PHF7: variants seen among roughly 807,000 people sequenced by gnomAD.
PHF7 encodes the protein E3 ubiquitin-protein ligase PHF7.
Under a neutral mutation model 47.5 loss-of-function variants are expected in PHF7, and 24 were observed. The ratio of observed to expected loss-of-function variants is 0.51; its 90% CI spans 0.37 to 0.71. The LOEUF is 0.71. Ranked by LOEUF, PHF7 falls within the 30% of genes least tolerant of loss-of-function variation. The probability of loss-of-function intolerance (pLI) is 0.00; values close to 1 mark genes in which losing one functional copy is unlikely to be tolerated. For synonymous variants in PHF7, 156 were observed against 153.8 expected, an observed-to-expected ratio of 1.01 and a Z score of -0.11; for missense variants, 361 against 456.8, an observed-to-expected ratio of 0.79 and a Z score of 1.91.
chr3:52,414,102 A>C, intron 3 of PHF7, 54 bp downstream of exon 3: 1 of 1,223,348 alleles, frequency 8.2e-7, no homozygotes, highest in Non-Finnish European at 1.2e-6. Flanking sequence ...TCAGCAAAGA[A>C]GGCCACCTGT....
rs779965953 is a variant in PHF7, at chr3:52,423,337, G to C, written c.*20G>C. 26 of 1,500,256 alleles carry C rather than the reference G, an allele frequency of 1.7e-5. No individual in the cohort carries two copies. In the Admixed American group the frequency reaches 4.2e-4, roughly 24 times the overall value. The allele number at this position is 1,500,256 out of a possible 1,614,324, so 92.9% of individuals were successfully genotyped here. A position where few individuals can be genotyped will look rare whatever the true frequency, so the allele number is the denominator to read the frequency against. ...AAGTAACACCTTCTGAGTAGCTGCT[G>C]TCCCACACAATAGGGTATGAAGCTG... On this transcript the variant is annotated 3_prime_UTR_variant, in exon 11 of 11. Coordinates refer to ENST00000327906, the MANE Select transcript of PHF7 (RefSeq NM_016483.7).
At chr3:52,416,420 G>A (rs1223007259) in intron 4 of PHF7, among the ~76,000 whole-genome samples, 2 of 150,970 alleles carry the variant, frequency 1.3e-5, no homozygotes, top group Non-Finnish European at 3.0e-5. Context: ...TCTTGACCTC[G>A]TGATCTGCCC....
rs757468731 is a variant in PHF7 at position 52,423,144 on chromosome 3, C to T, written c.973C>T (p.Pro325Ser). The T allele has an allele frequency of 1.2e-6, 2 of 1,614,018 alleles. No homozygotes were observed. The highest frequency in any genetic ancestry group is 8.5e-7 in the Non-Finnish European group (1 of 1,179,896). ...DIPCCSSTFH[P>S]EEHFCRDNTL... is the part of the protein sequence containing the mutation. Reference sequence around the variant, plus strand: ...CCCTTGCTGCAGCAGCACCTTCCACCCTGAGGAACATTTCTGCAGAGACAA... The same window carrying T: ...CCCTTGCTGCAGCAGCACCTTCCACTCTGAGGAACATTTCTGCAGAGACAA... The change falls in exon 11 of 11, where the codon CCT becomes TCT. Residue 325 changes from proline (P) to serine (S), a missense_variant. Physicochemically the swap from Pro to Ser is moderately conservative, Grantham distance 74. Coordinates refer to ENST00000327906, the MANE Select transcript of PHF7 (RefSeq NM_016483.7).
At chr3:52,419,762 C>A in intron 4 of PHF7, 71 bp from the exon 5 acceptor site, 1 of 874,058 alleles carries the variant, frequency 1.1e-6, no homozygotes. Flanking sequence ...CTTACCCTGT[C>A]CTTCTCCTCA....
chr3:52,413,002 G>A (rs971892479), intron 2 of PHF7, 82 bp downstream of exon 2: 18 of 1,046,816 alleles, frequency 1.7e-5, no homozygotes, highest in African/African-American at 1.3e-4. Context: ...CCCCTTTGTC[G>A]TAGTCTTGGG....
chr3:52,416,828 G>A (rs1255407212), intron 4 of PHF7, among the ~76,000 whole-genome samples: 3 of 78,210 alleles, frequency 3.8e-5, no homozygotes, highest in East Asian at 6.8e-4. Context: ...GCAAGACTCC[G>A]TCTCAAAAAA....
chr3:52,422,598 C>A, intron 9 of PHF7, 162 bp from the exon 10 acceptor site: 1 of 768,690 alleles, frequency 1.3e-6, no homozygotes, highest in Non-Finnish European at 2.2e-6. Context: ...CAAGGGGTTA[C>A]GACTGATGGC....
At chr3:52,421,188 G>A in intron 7 of PHF7, 126 bp downstream of exon 7, 1 of 837,936 alleles carries the variant, frequency 1.2e-6, no homozygotes, top group Non-Finnish European at 1.9e-6. Flanking sequence ...CTGTATTGAG[G>A]GCTGGTTTCA....
intron 9 of PHF7, 38 bp downstream of exon 9, chr3:52,422,376 G>T (rs1356490132): frequency 7.8e-7 from 1 of 1,290,178 alleles, no homozygotes. Context: ...GCTCTCATCA[G>T]TGCTATCTTA....
chr3:52,418,859 G>C (rs1308188238), intron 4 of PHF7, among the ~76,000 whole-genome samples: 2 of 151,114 alleles, frequency 1.3e-5, no homozygotes, highest in Non-Finnish European at 2.9e-5. Flanking sequence ...CCAGGCTAGA[G>C]TGCAGTGGCC....
chr3:52,423,393 C>G lies in PHF7; in HGVS notation c.*76C>G. 1.1e-6 allele frequency: 1 copy of G among 892,548 alleles called. No homozygotes were observed. Among genetic ancestry groups the G allele is most frequent in the Middle Eastern group, 2.7e-4 (1 of 3,668 alleles). 55.3% of individuals were successfully genotyped at this position (892,548 alleles called of 1,614,324 possible). A position where few individuals can be genotyped will look rare whatever the true frequency, so the allele number is the denominator to read the frequency against. ...CTCCATCGGGTTTGGGGAGGGAGCACTCTGGGACTGTGAGACAAGGAAGCA... is the reference window on the plus strand; with the variant it reads ...CTCCATCGGGTTTGGGGAGGGAGCAGTCTGGGACTGTGAGACAAGGAAGCA... On this transcript the variant is annotated 3_prime_UTR_variant, in exon 11 of 11. Transcript: ENST00000327906.
At position 52,422,507 on chromosome 3, in the gene PHF7, C is replaced by T. The variant is rs2153229241; in HGVS notation, c.797+169C>T. 12 of 651,360 alleles carry T rather than the reference C, an allele frequency of 1.8e-5. No homozygotes were observed. In the South Asian group the frequency reaches 2.2e-4, roughly 12 times the overall value. 40.3% of individuals were successfully genotyped at this position (651,360 alleles called of 1,614,324 possible). A position where few individuals can be genotyped will look rare whatever the true frequency, so the allele number is the denominator to read the frequency against. On this transcript the variant is annotated intron_variant, in intron 9 of 10. Coordinates refer to ENST00000327906, the MANE Select transcript of PHF7 (RefSeq NM_016483.7). ...CCCGACTCACTTGTGTGCACGTGAA[C>T]ACGTCTCCCCTGCAAGGTCCGCTTC...
intron 10 of PHF7, 87 bp from the exon 11 acceptor site, chr3:52,423,004 A>G (rs1315546118): frequency 1.3e-6 from 2 of 1,514,736 alleles, no homozygotes; most frequent in African/African-American, 2.8e-5. Context: ...TTGACTTTGG[A>G]AGGAAAGTAG....
chr3:52,420,510 G>A (rs1705754852), intron 6 of PHF7, 75 bp downstream of exon 6: 5 of 1,436,256 alleles, frequency 3.5e-6, no homozygotes, highest in Non-Finnish European at 4.9e-6. Context: ...TCAGAGTCCA[G>A]TTCTCACAAG....
chr3:52,422,417 A>T, intron 9 of PHF7, 79 bp downstream of exon 9: 1 of 947,370 alleles, frequency 1.1e-6, no homozygotes, highest in East Asian at 2.4e-5. Context: ...TATTAGAAGT[A>T]AGAAATTCAC....
chr3:52,418,493 A>G (rs1291535089), intron 4 of PHF7, among the ~76,000 whole-genome samples: 1 of 152,238 alleles, frequency 6.6e-6, no homozygotes, highest in African/African-American at 2.4e-5. Flanking sequence ...ACTCATCCCA[A>G]AGCCCTGAGA....
chr3:52,423,284 C>G lies in PHF7; in HGVS notation c.1113C>G (p.Val371=). 1 of 1,613,636 alleles carries G rather than the reference C, an allele frequency of 6.2e-7. No individual in the cohort carries two copies. The highest frequency in any genetic ancestry group is 8.5e-7 in the Non-Finnish European group (1 of 1,179,608). Residue 371 remains valine (V), a synonymous_variant, in exon 11 of 11, where the codon GTC becomes GTG. Coordinates refer to ENST00000327906, the MANE Select transcript of PHF7 (RefSeq NM_016483.7). ...RRSYSWRSKG[V]RITNSCKKSK ...GCTACTCCTGGAGGTCCAAGGGTGT[C>G]AGAATCACTAACAGCTGCAAAAAAT...
At chr3:52,417,322 A>C (rs1349555474) in intron 4 of PHF7, among the ~76,000 whole-genome samples, 1 of 150,776 alleles carries the variant, frequency 6.6e-6, no homozygotes, top group Non-Finnish European at 1.5e-5. Context: ...ATTTTTCTTT[A>C]AAAAAAAAGT....
intron 9 of PHF7, 26 bp downstream of exon 9, chr3:52,422,364 G>T: frequency 7.0e-7 from 1 of 1,423,274 alleles, no homozygotes; most frequent in South Asian, 1.1e-5. Context: ...TGGCTAGAAA[G>T]AGCTCTCATC....
Sources: allele counts gnomAD v4.1 joint callset (sites outside exome capture counted in the v4.1 genomes callset), GRCh38; gene constraint gnomAD v4.1.1; transcripts MANE v1.5; gene names NCBI Gene and HGNC (gene_info 2026-07-23, HGNC 2026-07-21).